The following TSHZ2 variants were observed in gnomAD, a reference collection of about 807,000 sequenced individuals.
TSHZ2 encodes the protein teashirt homolog 2.
TSHZ2 carries 21 observed loss-of-function variants against 74.4 expected under a neutral mutation model. That is an observed-to-expected ratio of 0.28 (90% CI 0.20 to 0.41). The LOEUF (loss-of-function observed/expected upper bound fraction) is 0.41. Among genes scored for constraint, TSHZ2 ranks in the 10% least tolerant of loss-of-function variants. The pLI is 1.00. For missense variants in TSHZ2, 1,244 were observed against 1,293.5 expected (o/e 0.96, Z 0.59); for synonymous variants, 540 against 515.3 (o/e 1.05, Z -0.65).
chr20:53,023,623 T>G (rs903956466), intron 1 of TSHZ2, among the ~76,000 whole-genome samples: 1 of 83,266 alleles, frequency 1.2e-5, no homozygotes, highest in African/African-American at 3.9e-5. Flanking sequence ...TTTTTTGTTT[T>G]TTTTTTTGCT....
chr20:53,338,889 C>T (rs550827739), intron 2 of TSHZ2, among the ~76,000 whole-genome samples: 16 of 152,164 alleles, frequency 1.1e-4, no homozygotes, highest in Non-Finnish European at 1.6e-4. Flanking sequence ...ACTGCGTCAG[C>T]GTTCTGTAAA....
intron 2 of TSHZ2, among the ~76,000 whole-genome samples, chr20:53,325,141 G>A (rs137857074): frequency 1.3e-5 from 2 of 152,290 alleles, no homozygotes; most frequent in Admixed American, 6.5e-5. Flanking sequence ...TCCACCAGAA[G>A]CATTTTATTT....
chr20:53,391,969 G>C (rs1037630670), intron 2 of TSHZ2, among the ~76,000 whole-genome samples: 1 of 152,058 alleles, frequency 6.6e-6, no homozygotes, highest in South Asian at 2.1e-4. Context: ...AAAAGAATTA[G>C]TAATTTTACA....
intron 2 of TSHZ2, among the ~76,000 whole-genome samples, chr20:53,458,113 G>A (rs1194942316): frequency 2.0e-5 from 3 of 151,700 alleles, no homozygotes; most frequent in Non-Finnish European, 2.9e-5. Context: ...TCTATTGATT[G>A]GAATAGTTTC....
chr20:53,085,651 G>A (rs538082908), intron 1 of TSHZ2, among the ~76,000 whole-genome samples: 2 of 152,238 alleles, frequency 1.3e-5, no homozygotes, highest in East Asian at 3.9e-4. Flanking sequence ...TTACACATAA[G>A]GAAATGAAGG....
chr20:53,267,444 T>G (rs1454427571), intron 2 of TSHZ2, among the ~76,000 whole-genome samples: 1 of 152,336 alleles, frequency 6.6e-6, no homozygotes, highest in East Asian at 1.9e-4. Context: ...AAAGGCGCTA[T>G]TCACATCTTT....
intron 1 of TSHZ2, among the ~76,000 whole-genome samples, chr20:53,205,835 C>G (rs1989154463): frequency 6.6e-6 from 1 of 152,328 alleles, no homozygotes; most frequent in African/African-American, 2.4e-5. Context: ...TTCAGATAAT[C>G]CTGAGCACTG....
At position 53,161,340 on chromosome 20, in the gene TSHZ2, A is replaced by G. The variant is rs564246468; in HGVS notation, c.41-92159A>G. Among the ~76,000 whole-genome samples the G allele has an allele frequency of 9.3e-4, 141 of 152,222 alleles. 1 individual carries two copies. The highest frequency in any genetic ancestry group is 3.4e-3 in the Middle Eastern group (1 of 294). The stretch of plus-strand genomic sequence containing the variant: ...ACCCATGGGTGGGAGGAGGGTGAAC[A>G]TGACGGGGAGCACTCAGACTGATGA... On this transcript the variant is annotated intron_variant, in intron 1 of 2. Coordinates refer to ENST00000371497, the MANE Select transcript of TSHZ2 (RefSeq NM_173485.6).
chr20:53,106,066 T>A (rs1375906149), intron 1 of TSHZ2, among the ~76,000 whole-genome samples: 1 of 152,244 alleles, frequency 6.6e-6, no homozygotes, highest in Admixed American at 6.5e-5. Context: ...ATATCCATCA[T>A]CTCAAATCTT....
At chr20:53,475,762 C>A (rs2145845902) in intron 2 of TSHZ2, among the ~76,000 whole-genome samples, 1 of 140,604 alleles carries the variant, frequency 7.1e-6, no homozygotes, top group African/African-American at 2.8e-5. Context: ...AGACCACTAG[C>A]AAGACTAATA....
At chr20:53,415,098 T>G (rs1983190773) in intron 2 of TSHZ2, among the ~76,000 whole-genome samples, 1 of 152,206 alleles carries the variant, frequency 6.6e-6, no homozygotes. Context: ...CTATTGTCAT[T>G]TATGCAAATT....
At chr20:53,230,932 C>T (rs908636444) in intron 1 of TSHZ2, among the ~76,000 whole-genome samples, 1 of 151,704 alleles carries the variant, frequency 6.6e-6, no homozygotes, top group African/African-American at 2.4e-5. Context: ...TAAAAACAGC[C>T]CTGAAGATTA....
chr20:53,096,534 A>G (rs1986053586), intron 1 of TSHZ2, among the ~76,000 whole-genome samples: 1 of 152,092 alleles, frequency 6.6e-6, no homozygotes, highest in Admixed American at 6.6e-5. Flanking sequence ...CACTCAATAA[A>G]TATGAGCTCT....
At chr20:53,261,491 A>AC (rs1990599932) in intron 2 of TSHZ2, among the ~76,000 whole-genome samples, 1 of 152,234 alleles carries the variant, frequency 6.6e-6, no homozygotes, top group Non-Finnish European at 1.5e-5. Flanking sequence ...AGGAAATGAG[A>AC]ACTGAGGAAA....
intron 2 of TSHZ2, among the ~76,000 whole-genome samples, chr20:53,442,861 T>C (rs1301695902): frequency 1.3e-5 from 2 of 152,232 alleles, no homozygotes; most frequent in African/African-American, 4.8e-5. Context: ...AAGTGATGCA[T>C]TGTGTGCACT....
chr20:53,223,462 G>T (rs1039932001), intron 1 of TSHZ2, among the ~76,000 whole-genome samples: 3 of 152,066 alleles, frequency 2.0e-5, no homozygotes, highest in Admixed American at 1.3e-4. Flanking sequence ...CATGATCATG[G>T]CTCTCTGTAG....
intron 1 of TSHZ2, among the ~76,000 whole-genome samples, chr20:52,986,411 A>G (rs544982639): frequency 8.9e-4 from 132 of 148,922 alleles, no homozygotes; most frequent in Middle Eastern, 3.6e-3. Flanking sequence ...CAAAAAAAAA[A>G]AAAAAAAGAA....
At chr20:53,069,266 G>A (rs1223492078) in intron 1 of TSHZ2, among the ~76,000 whole-genome samples, 2 of 152,146 alleles carry the variant, frequency 1.3e-5, no homozygotes, top group Admixed American at 1.3e-4. Flanking sequence ...TGCACTGGAA[G>A]TATATGTTGT....
chr20:53,255,677 C>A lies in TSHZ2; in HGVS notation c.2219C>A (p.Pro740Gln). ...HKSNLNVMDK[P>Q]VLSPASTRSA... Reference sequence around the variant, plus strand: ...TCGAATCTCAATGTCATGGACAAGCCGGTCTTGAGTCCTGCCTCCACAAGG... The same window carrying A: ...TCGAATCTCAATGTCATGGACAAGCAGGTCTTGAGTCCTGCCTCCACAAGG... The change falls in exon 2 of 3, where the codon CCG (proline) becomes CAG (glutamine). Residue 740 changes from proline (P) to glutamine (Q), a missense_variant. Pro to Gln is a moderately conservative substitution (Grantham distance 76, BLOSUM62 -1). Around this residue, in one of 6 missense-constraint regions of TSHZ2, gnomAD observed 562 missense variants for 544.0 expected, o/e 1.03. Coordinates refer to ENST00000371497, the MANE Select transcript of TSHZ2 (RefSeq NM_173485.6). This position sits in a 1 kb window ranked among gnomAD's most constrained non-coding sequence, Gnocchi z 4.1. 1 of 1,585,072 alleles carries A rather than the reference C, an allele frequency of 6.3e-7. No individual in the cohort carries two copies. The highest frequency in any genetic ancestry group is 8.6e-7 in the Non-Finnish European group (1 of 1,166,266).
Sources: allele counts gnomAD v4.1 joint callset (sites outside exome capture counted in the v4.1 genomes callset), GRCh38; gene constraint gnomAD v4.1.1; regional missense constraint gnomAD v4.1.1; non-coding constraint Gnocchi (gnomAD v3.1); transcripts MANE v1.5; gene names NCBI Gene and HGNC (gene_info 2026-07-23, HGNC 2026-07-21).